ADAD1: variants seen among roughly 807,000 people sequenced by gnomAD.
ADAD1 encodes the protein adenosine deaminase domain-containing protein 1.
In ADAD1, 46 loss-of-function variants were observed where a neutral mutation model predicts 66.8. The observed-to-expected ratio is 0.69, with a 90% confidence interval of 0.54 to 0.88. The LOEUF (loss-of-function observed/expected upper bound fraction) is 0.88, where lower values mean the gene tolerates loss of function less well. Among genes scored for constraint, ADAD1 ranks in the 40% least tolerant of loss-of-function variants. The pLI is 0.00. For missense variants in ADAD1, 617 were observed against 681.8 expected (o/e 0.91, Z 1.06); for synonymous variants, 248 against 229.4 (o/e 1.08, Z -0.73).
At chr4:122,411,504 A>T in intron 9 of ADAD1, 112 bp downstream of exon 9, 2 of 1,110,982 alleles carry the variant, frequency 1.8e-6, no homozygotes, top group Non-Finnish European at 2.5e-6. Context: ...TTTTCTCTTC[A>T]GCTTTGAGTT....
intron 5 of ADAD1, among the ~76,000 whole-genome samples, chr4:122,387,628 T>A (rs761727054): frequency 6.6e-6 from 1 of 152,198 alleles, no homozygotes; most frequent in African/African-American, 2.4e-5. Context: ...GTGCCAGTTT[T>A]CAAAGGGAAT....
At chr4:122,424,420 G>A (rs767665115) in intron 12 of ADAD1, among the ~76,000 whole-genome samples, 1 of 152,110 alleles carries the variant, frequency 6.6e-6, no homozygotes, top group Non-Finnish European at 1.5e-5. Flanking sequence ...TGACTTAGAT[G>A]CAGTATATAT....
chr4:122,381,749 T>A (rs1282201694), intron 4 of ADAD1, among the ~76,000 whole-genome samples: 1 of 152,224 alleles, frequency 6.6e-6, no homozygotes, highest in Non-Finnish European at 1.5e-5. Flanking sequence ...CTTCACATTA[T>A]AGCCAATGAT....
intron 9 of ADAD1, 80 bp downstream of exon 9, chr4:122,411,472 A>G: frequency 1.5e-6 from 2 of 1,352,356 alleles, no homozygotes; most frequent in South Asian, 1.4e-5. Flanking sequence ...CAAATAGAAC[A>G]TATAAATTCT....
intron 7 of ADAD1, among the ~76,000 whole-genome samples, chr4:122,402,855 A>G (rs530600245): frequency 6.6e-6 from 1 of 152,170 alleles, no homozygotes; most frequent in East Asian, 1.9e-4. Flanking sequence ...TTTTATTTTC[A>G]TTATGATAGC....
chr4:122,390,230 G>C (rs1795369605), intron 5 of ADAD1, among the ~76,000 whole-genome samples: 1 of 152,196 alleles, frequency 6.6e-6, no homozygotes, highest in African/African-American at 2.4e-5. Flanking sequence ...GAGATCCCCT[G>C]TTAGTCTGAA....
intron 6 of ADAD1, 118 bp downstream of exon 6, chr4:122,393,775 C>T: frequency 1.5e-6 from 1 of 670,616 alleles, no homozygotes; most frequent in Non-Finnish European, 2.2e-6. Flanking sequence ...TCATCCAAAC[C>T]TTTCACACTT....
rs139089967 is a variant in ADAD1, at chr4:122,426,764, G to A, written c.1618-2862G>A. On this transcript the variant is annotated intron_variant, in intron 12 of 12. Coordinates refer to ENST00000296513, the MANE Select transcript of ADAD1 (RefSeq NM_139243.4). ...TTATCTCAAAAGACATACAAAATGC[G>A]TTTGACAAAGTCCAGCACCCATTCA... Among the ~76,000 whole-genome samples, 35 of 152,270 alleles carry A rather than the reference G, an allele frequency of 2.3e-4. No individual in the cohort carries two copies. The East Asian group carries it at 6.2e-3, about 27-fold the overall frequency.
chr4:122,427,549 T>TCC (rs1553926022), intron 12 of ADAD1, among the ~76,000 whole-genome samples: 3 of 141,422 alleles, frequency 2.1e-5, no homozygotes, highest in Non-Finnish European at 4.7e-5. Context: ...TTTTTTTTTT[T>TCC]CCTGATGCGG....
chr4:122,425,853 A>G (rs1298656173), intron 12 of ADAD1, among the ~76,000 whole-genome samples: 1 of 152,044 alleles, frequency 6.6e-6, no homozygotes, highest in Non-Finnish European at 1.5e-5. Flanking sequence ...ATGACTATAT[A>G]AATAAGTACT....
intron 7 of ADAD1, among the ~76,000 whole-genome samples, chr4:122,403,213 T>TA (rs1166228464): frequency 6.6e-6 from 1 of 152,160 alleles, no homozygotes; most frequent in Non-Finnish European, 1.5e-5. Flanking sequence ...CCCCTTCCCC[T>TA]AAGGATGGGT....
In ADAD1 at chr4:122,415,467, T is replaced by C; in HGVS notation, c.1338T>C (p.Phe446=). 6.2e-7 allele frequency: 1 copy of C among 1,613,966 alleles called. No homozygotes were observed. Among genetic ancestry groups the C allele is most frequent in the Non-Finnish European group, 8.5e-7 (1 of 1,179,870 alleles). ...CACTCACTTCAAAACTTCCAATGTTTTACTTAGTCAACAGACCTCATATTA... is the reference window on the plus strand; with the variant it reads ...CACTCACTTCAAAACTTCCAATGTTCTACTTAGTCAACAGACCTCATATTA... The part of the protein sequence containing the change: ...DDALTSKLPM[F]YLVNRPHISL... The change falls in exon 11 of 13, where the codon TTT becomes TTC. Residue 446 remains phenylalanine, a synonymous_variant. Transcript: ENST00000296513.
At chr4:122,420,117 C>G (rs1348619346) in intron 11 of ADAD1, among the ~76,000 whole-genome samples, 1 of 152,122 alleles carries the variant, frequency 6.6e-6, no homozygotes, top group East Asian at 1.9e-4. Flanking sequence ...ATCCAAAAAT[C>G]AAGAAAATTA....
intron 12 of ADAD1, among the ~76,000 whole-genome samples, 172 bp downstream of exon 12, chr4:122,421,562 T>G (rs1457300554): frequency 1.3e-5 from 2 of 152,212 alleles, no homozygotes; most frequent in Admixed American, 1.3e-4. Flanking sequence ...ATTAGATATG[T>G]AAATAAGTAT....
intron 5 of ADAD1, among the ~76,000 whole-genome samples, chr4:122,390,045 C>G (rs186850935): frequency 2.8e-4 from 43 of 152,270 alleles, no homozygotes; most frequent in African/African-American, 1.0e-3. Flanking sequence ...TCTTGCAGGG[C>G]ACATCTGGTG....
chr4:122,407,294 A>G (rs1369346573), intron 7 of ADAD1, among the ~76,000 whole-genome samples: 1 of 152,208 alleles, frequency 6.6e-6, no homozygotes, highest in Non-Finnish European at 1.5e-5. Flanking sequence ...AGACCTAATC[A>G]GAATGTGAGA....
chr4:122,413,089 G>A (rs903723049), intron 10 of ADAD1, among the ~76,000 whole-genome samples: 2 of 152,004 alleles, frequency 1.3e-5, no homozygotes, highest in Admixed American at 6.6e-5. Flanking sequence ...AGCTCCTTCT[G>A]GTGCTTTGGG....
chr4:122,406,305 T>A (rs994204790), intron 7 of ADAD1, among the ~76,000 whole-genome samples: 1 of 152,204 alleles, frequency 6.6e-6, no homozygotes, highest in African/African-American at 2.4e-5. Flanking sequence ...GACTTGCATT[T>A]CTCTGGTGAT....
In ADAD1 at chr4:122,421,980, C is replaced by G. The variant is rs72669130; in HGVS notation, c.1617+590C>G. Among the ~76,000 whole-genome samples the G allele has an allele frequency of 9.3e-3, 1,415 of 152,018 alleles. 17 individuals carry two copies. Among genetic ancestry groups the G allele is most frequent in the Non-Finnish European group, 0.016 (1,070 of 67,986 alleles). On this transcript the variant is annotated intron_variant, in intron 12 of 12. Transcript: ENST00000296513. ...CCACTTACTATTCAAAGTTAATACT[C>G]AGTCTTTTAATGTGAGCATGTTATT...
Sources: allele counts gnomAD v4.1 joint callset (sites outside exome capture counted in the v4.1 genomes callset), GRCh38; gene constraint gnomAD v4.1.1; transcripts MANE v1.5; gene names NCBI Gene and HGNC (gene_info 2026-07-23, HGNC 2026-07-21).